The following PCNX2 variants were observed in gnomAD, a reference collection of about 807,000 sequenced individuals.
PCNX2 encodes the protein pecanex-like protein 2.
In PCNX2, 168 loss-of-function variants were observed where a neutral mutation model predicts 223.8. That is an observed-to-expected ratio of 0.75 (90% confidence interval 0.66 to 0.85). The LOEUF is 0.85. Among genes scored for constraint, PCNX2 ranks in the 40% least tolerant of loss-of-function variants. The probability of loss-of-function intolerance (pLI) is 0.00; values close to 1 mark genes in which losing one functional copy is unlikely to be tolerated. For missense variants in PCNX2, 2,507 were observed against 2,675.5 expected, an observed-to-expected ratio of 0.94 and a Z score of 1.39; for synonymous variants, 1,006 against 1,052.6, an observed-to-expected ratio of 0.96 and a Z score of 0.86.
intron 23 of PCNX2, among the ~76,000 whole-genome samples, chr1:233,077,979 T>C (rs1673173055): frequency 6.6e-6 from 1 of 152,186 alleles, no homozygotes; most frequent in Non-Finnish European, 1.5e-5. Context: ...TATATTCACA[T>C]TATATATTAA....
rs201633704 is a variant in PCNX2 at position 233,258,087 on chromosome 1, G to A, written c.1775C>T (p.Thr592Met). 1.5e-4 allele frequency: 246 copies of A among 1,613,920 alleles called. 2 individuals carry two copies. In the African/African-American group the frequency reaches 1.7e-3, roughly 11 times the overall value. The change falls in exon 5 of 34, where the codon ACG becomes ATG. Residue 592 changes from threonine (T) to methionine (M), a missense_variant. Physicochemically the swap from Thr to Met is moderately conservative, Grantham distance 81. This residue lies in a region of PCNX2 where 1,031 missense variants were observed against 1,021.7 expected (regional missense o/e 1.01). Transcript: ENST00000258229. ...TGAGCCATTCAGTTGACTGGATGCC[G>A]TCATCTTGGAAGTATTAATGGATTC... is the stretch of plus-strand genomic sequence containing the variant. The part of the protein sequence containing the change: ...LLESINTSKM[T>M]ASSQLNGSAE...
chr1:233,252,826 A>T (rs1343658875), intron 5 of PCNX2, 38 bp from the exon 6 acceptor site: 1 of 1,508,072 alleles, frequency 6.6e-7, no homozygotes, highest in Non-Finnish European at 8.9e-7. Context: ...TTAATATAAA[A>T]TAAATCAATG....
At chr1:233,094,063 T>G (rs1185101229) in intron 22 of PCNX2, among the ~76,000 whole-genome samples, 1 of 152,168 alleles carries the variant, frequency 6.6e-6, no homozygotes, top group Non-Finnish European at 1.5e-5. Context: ...CAGTCTTAAT[T>G]CAGTCGTGGA....
At chr1:233,063,329 A>T (rs749550680) in intron 23 of PCNX2, among the ~76,000 whole-genome samples, 1 of 152,164 alleles carries the variant, frequency 6.6e-6, no homozygotes, top group Non-Finnish European at 1.5e-5. Context: ...AAATATACAC[A>T]TTTGATGAGA....
chr1:233,160,308 T>A lies in PCNX2; in HGVS notation c.3492A>T (p.Lys1164Asn), dbSNP rs1238141763. The A allele has an allele frequency of 6.2e-7, 1 of 1,613,752 alleles. No individual in the cohort carries two copies. The highest frequency in any genetic ancestry group is 1.7e-5 in the Admixed American group (1 of 60,000). ...MWISHPILKNKEYHQREVRDV... is the reference protein window; with the variant it reads ...MWISHPILKNNEYHQREVRDV... ...CTCTCACTTCCCGTTGATGATACTC[T>A]TTGTTTTTGAGAATGGGGTGTGAAA... Residue 1164 changes from lysine (K) to asparagine (N), a missense_variant, in exon 19 of 34, where the codon AAA becomes AAT. Around this residue, in one of 3 missense-constraint regions of PCNX2, gnomAD observed 1,372 missense variants for 1,509.4 expected, o/e 0.91. Transcript: ENST00000258229.
chr1:233,154,867 G>A (rs1234932611), intron 19 of PCNX2, among the ~76,000 whole-genome samples: 1 of 151,990 alleles, frequency 6.6e-6, no homozygotes, highest in African/African-American at 2.4e-5. Context: ...CCAGGATTTC[G>A]AGACCAGCCT....
intron 1 of PCNX2, among the ~76,000 whole-genome samples, chr1:233,289,688 G>A (rs900328160): frequency 6.6e-6 from 1 of 152,252 alleles, no homozygotes; most frequent in African/African-American, 2.4e-5. Flanking sequence ...AAGGTTCTGG[G>A]AGTCAAAGGA....
rs1330790926 is a variant in PCNX2, at chr1:233,258,106, T to C, written c.1756A>G (p.Ile586Val). 2.5e-6 allele frequency: 4 copies of C among 1,613,992 alleles called. No homozygotes were observed. Among genetic ancestry groups the C allele is most frequent in the Non-Finnish European group, 2.5e-6 (3 of 1,179,848 alleles). Residue 586 changes from isoleucine (I) to valine (V), a missense_variant, in exon 5 of 34, where the codon ATT becomes GTT. Physicochemically the swap from Ile to Val is conservative, Grantham distance 29. Coordinates refer to ENST00000258229, the MANE Select transcript of PCNX2 (RefSeq NM_014801.4). Reference sequence around the variant, plus strand: ...GATGCCGTCATCTTGGAAGTATTAATGGATTCTAACAGGGAGACAAATTCC... The same window carrying C: ...GATGCCGTCATCTTGGAAGTATTAACGGATTCTAACAGGGAGACAAATTCC... Reference protein sequence around the residue: ...FLEFVSLLESINTSKMTASSQ... With the variant: ...FLEFVSLLESVNTSKMTASSQ...
chr1:233,274,806 G>C (rs1660826392), intron 1 of PCNX2, among the ~76,000 whole-genome samples: 1 of 152,338 alleles, frequency 6.6e-6, no homozygotes. Context: ...CAAGTGGTAA[G>C]AAATGAAAAA....
At chr1:233,212,712 A>C (rs958840140) in intron 12 of PCNX2, among the ~76,000 whole-genome samples, 1 of 152,230 alleles carries the variant, frequency 6.6e-6, no homozygotes, top group African/African-American at 2.4e-5. Context: ...TTCTGCCTTT[A>C]ATCAATGGTA....
At chr1:233,255,069 C>T (rs1208717872) in intron 5 of PCNX2, among the ~76,000 whole-genome samples, 1 of 152,136 alleles carries the variant, frequency 6.6e-6, no homozygotes, top group Non-Finnish European at 1.5e-5. Flanking sequence ...AAAATCAACC[C>T]ATTATCCAGA....
chr1:233,247,660 C>T (rs1026538939), intron 8 of PCNX2, among the ~76,000 whole-genome samples: 1 of 151,876 alleles, frequency 6.6e-6, no homozygotes, highest in Admixed American at 6.6e-5. Flanking sequence ...TGGCGGATCA[C>T]GAGGTCAGGA....
In PCNX2 at chr1:233,054,267, C is replaced by T; in HGVS notation, c.4351+1G>A. 1 of 1,612,100 alleles carries T rather than the reference C, an allele frequency of 6.2e-7. No individual in the cohort carries two copies. The highest frequency in any genetic ancestry group is 8.5e-7 in the Non-Finnish European group (1 of 1,178,686). The stretch of plus-strand genomic sequence containing the variant: ...AGTTTCTACAATGAAGAAATTCTTA[C>T]CTCGGAATTCCAGTCCTCGAAGTTG... On this transcript the variant is annotated splice_donor_variant, in intron 25 of 33. Transcript: ENST00000258229. LOFTEE classifies it high-confidence loss of function.
chr1:233,062,366 T>G (rs900212952), intron 23 of PCNX2, among the ~76,000 whole-genome samples: 1 of 152,224 alleles, frequency 6.6e-6, no homozygotes, highest in Admixed American at 6.5e-5. Context: ...TTTTGATCAC[T>G]TGATGGGTCA....
chr1:233,076,518 G>A (rs1408034427), intron 23 of PCNX2, among the ~76,000 whole-genome samples: 3 of 152,056 alleles, frequency 2.0e-5, no homozygotes, highest in South Asian at 4.2e-4. Context: ...CATTATACCC[G>A]GTGCAGTTTT....
At chr1:233,326,429 T>C in the PCNX2 span, among the ~76,000 whole-genome samples, 2 of 152,232 alleles carry the variant, frequency 1.3e-5, no homozygotes, top group African/African-American at 4.8e-5. Context: ...TGTTGGTTGA[T>C]TCTGTGGATG....
chr1:233,266,346 A>ATAAT (rs200646039), intron 1 of PCNX2, among the ~76,000 whole-genome samples: 3 of 152,150 alleles, frequency 2.0e-5, no homozygotes, highest in African/African-American at 7.2e-5. Context: ...TGTCTTATTC[A>ATAAT]TAATTAATTA....
intron 9 of PCNX2, among the ~76,000 whole-genome samples, chr1:233,228,291 C>T (rs1444938657): frequency 6.6e-6 from 1 of 152,168 alleles, no homozygotes; most frequent in Non-Finnish European, 1.5e-5. Context: ...TATCTTAAGC[C>T]TTCTCTAGAT....
chr1:233,018,630 G>C (rs902160847), intron 26 of PCNX2: 1 of 374,230 alleles, frequency 2.7e-6, no homozygotes, highest in Non-Finnish European at 3.7e-6. Context: ...ATCCAAGCCT[G>C]ATAGGCTTGG....
Sources: gnomAD v4.1 joint callset for allele counts (sites outside exome capture counted in the v4.1 genomes callset) on GRCh38, gnomAD v4.1.1 for gene constraint, gnomAD v4.1.1 regional missense constraint, MANE v1.5 for transcripts, NCBI Gene and HGNC (gene_info 2026-07-23, HGNC 2026-07-21) for gene names.